The following SERTAD4 variants were observed in gnomAD, a reference collection of about 807,000 sequenced individuals.
The protein encoded by SERTAD4 is SERTA domain-containing protein 4.
SERTAD4 carries 18 observed loss-of-function variants against 32.9 expected under a neutral mutation model. The observed-to-expected ratio is 0.55, with a 90% CI of 0.38 to 0.81. The LOEUF (loss-of-function observed/expected upper bound fraction) is 0.81. Ranked by LOEUF, SERTAD4 falls within the 30% of genes least tolerant of loss-of-function variation. The pLI, the probability that SERTAD4 is intolerant of heterozygous loss-of-function variation, is 0.00. For missense variants in SERTAD4, 383 were observed against 426.0 expected (o/e 0.90, Z 0.89); for synonymous variants, 150 against 156.4 (o/e 0.96, Z 0.30).
rs2083956523 is a variant in SERTAD4, at chr1:210,237,921, G to GC, written c.-17-23_-17-22insC. The stretch of plus-strand genomic sequence containing the variant: ...GATTAGGGCTGTTTTCTTCATTCTT[G>GC]TTTTTTTTTTTTTTCTTTTCAGATC... On this transcript the variant is annotated intron_variant, in intron 1 of 3. Transcript: ENST00000367012. 1.4e-5 allele frequency: 19 copies of GC among 1,346,764 alleles called. No individual in the cohort carries two copies. In the South Asian group the frequency reaches 2.5e-4, roughly 18 times the overall value. The allele number at this position is 1,346,764 out of a possible 1,614,324, so 83.4% of individuals were successfully genotyped here.
chr1:210,236,881 C>T (rs1019946790), intron 1 of SERTAD4, among the ~76,000 whole-genome samples: 3 of 152,204 alleles, frequency 2.0e-5, no homozygotes, highest in Non-Finnish European at 4.4e-5. Flanking sequence ...ATATCAGACT[C>T]TCCTCTCCCT....
chr1:210,238,160 C>G (rs534011138), intron 2 of SERTAD4, 25 bp downstream of exon 2: 125 of 1,318,242 alleles, frequency 9.5e-5, no homozygotes, highest in Non-Finnish European at 1.3e-4. Flanking sequence ...CTGCGCCCAT[C>G]CCCCCCACCC....
rs2083892340 is a variant in SERTAD4, at chr1:210,232,999, C to T, written c.-30C>T. ...TCAAGCGCTGCGGCCGCCGCCTCCC[C>T]GCTGACCCCGCGGTAAGAGCCGGGC... On this transcript the variant is annotated 5_prime_UTR_variant, in exon 1 of 4. Transcript: ENST00000367012. The T allele has an allele frequency of 6.6e-6, 1 of 150,938 alleles. No individual in the cohort carries two copies. The highest frequency in any genetic ancestry group is 2.1e-4 in the South Asian group (1 of 4,826). 9.3% of individuals were successfully genotyped at this position (150,938 alleles called of 1,614,324 possible).
Position 210,245,865 on chromosome 1 carries a change from T to C in SERTAD4, c.*3528T>C, listed in dbSNP as rs1049568971. 57 of 985,158 alleles carry C rather than the reference T, an allele frequency of 5.8e-5. No individual in the cohort carries two copies. The highest frequency in any genetic ancestry group is 6.6e-5 in the Non-Finnish European group (55 of 829,810). The allele number at this position is 985,158 out of a possible 1,614,324, so 61.0% of individuals were successfully genotyped here. On this transcript the variant is annotated 3_prime_UTR_variant, in exon 4 of 4. Transcript: ENST00000367012. ...AGAGACATCAACTTCGCAACAAATATAAGACAAGGATACAAGGATTCCTAT... is the reference window on the plus strand; with the variant it reads ...AGAGACATCAACTTCGCAACAAATACAAGACAAGGATACAAGGATTCCTAT...
chr1:210,241,941 C>T lies in SERTAD4; in HGVS notation c.675C>T (p.Ser225=). The part of the protein sequence containing the change: ...TAASSPSASS[S]SSSSSSSPPL... Reference sequence around the variant, plus strand: ...CCTCCTCTCCCTCCGCCTCTTCTTCCTCCTCATCTTCCTCTTCCTCTCCCC... The same window carrying T: ...CCTCCTCTCCCTCCGCCTCTTCTTCTTCCTCATCTTCCTCTTCCTCTCCCC... Residue 225 remains serine (S), a synonymous_variant, in exon 4 of 4, where the codon TCC becomes TCT. Transcript: ENST00000367012. 1 of 1,614,110 alleles carries T rather than the reference C, an allele frequency of 6.2e-7. No homozygotes were observed. The highest frequency in any genetic ancestry group is 1.1e-5 in the South Asian group (1 of 91,074).
chr1:210,235,958 T>C (rs2083936742), intron 1 of SERTAD4, among the ~76,000 whole-genome samples: 1 of 152,272 alleles, frequency 6.6e-6, no homozygotes, highest in East Asian at 1.9e-4. Context: ...AAGAAAGGGC[T>C]GCTGACTGTT....
At chr1:210,233,578 C>T (rs1344181141) in intron 1 of SERTAD4, 4 of 432,114 alleles carry the variant, frequency 9.3e-6, no homozygotes, top group East Asian at 7.8e-5. Flanking sequence ...CCGCACCCTC[C>T]TCCCAGGCAG....
chr1:210,242,083 C>T lies in SERTAD4; in HGVS notation c.817C>T (p.Leu273Phe), dbSNP rs1271445661. The part of the protein sequence containing the change: ...NEIFVTNVRS[L>F]GVQEKAKLND... ...AATCTTTGTCACTAATGTCAGATCA[C>T]TTGGTGTTCAGGAAAAGGCCAAATT... The change falls in exon 4 of 4, where the codon CTT (leucine) becomes TTT (phenylalanine). Residue 273 changes from leucine (L) to phenylalanine (F), a missense_variant. This residue lies in a region of SERTAD4 where 180 missense variants were observed against 190.6 expected (regional missense o/e 0.94). Transcript: ENST00000367012. This position sits in a 1 kb window ranked among gnomAD's most constrained non-coding sequence, Gnocchi z 4.0. 6.2e-7 allele frequency: 1 copy of T among 1,614,038 alleles called. No homozygotes were observed. Among genetic ancestry groups the T allele is most frequent in the African/African-American group, 1.3e-5 (1 of 74,902 alleles).
At chr1:210,240,900 CCT>C (rs966227285) in intron 3 of SERTAD4, among the ~76,000 whole-genome samples, 12 of 152,278 alleles carry the variant, frequency 7.9e-5, no homozygotes, top group African/African-American at 2.9e-4. Context: ...ATCTCATGCT[CCT>C]TCTTGGCTAG....
In SERTAD4 at chr1:210,246,044, C is replaced by T; in HGVS notation, c.*3707C>T. On this transcript the variant is annotated 3_prime_UTR_variant, in exon 4 of 4. Coordinates refer to ENST00000367012, the MANE Select transcript of SERTAD4 (RefSeq NM_019605.5). ...GGTTATCACATCCCTGCCAATTTTA[C>T]TAGATTTTTTCAGAGACAAGCATTC... 3.7e-6 allele frequency: 2 copies of T among 543,572 alleles called. No individual in the cohort carries two copies. Among genetic ancestry groups the T allele is most frequent in the Non-Finnish European group, 4.7e-6 (2 of 426,284 alleles). 33.7% of individuals were successfully genotyped at this position (543,572 alleles called of 1,614,324 possible).
chr1:210,233,706 G>A (rs1480194430), intron 1 of SERTAD4: 1 of 470,820 alleles, frequency 2.1e-6, no homozygotes, highest in Admixed American at 2.3e-5. Context: ...CTCCCCTCCC[G>A]CCTCTTCGGC....
In SERTAD4 at chr1:210,238,004, T is replaced by C. The variant is rs763118889; in HGVS notation, c.44T>C (p.Val15Ala). Reference sequence around the variant, plus strand: ...ATGAATAGATTCTGCGAGCCCATTGTCTCGGAAGGAGCTGCTGAAATTGCT... The same window carrying C: ...ATGAATAGATTCTGCGAGCCCATTGCCTCGGAAGGAGCTGCTGAAATTGCT... ...LSMNRFCEPI[V>A]SEGAAEIAGY... The change falls in exon 2 of 4, where the codon GTC (valine) becomes GCC (alanine). Residue 15 changes from valine to alanine, a missense_variant. This residue lies in a region of SERTAD4 where 96 missense variants were observed against 76.6 expected (regional missense o/e 1.25). Coordinates refer to ENST00000367012, the MANE Select transcript of SERTAD4 (RefSeq NM_019605.5). The C allele has an allele frequency of 5.0e-6, 8 of 1,613,848 alleles. No homozygotes were observed. Among genetic ancestry groups the C allele is most frequent in the Non-Finnish European group, 5.9e-6 (7 of 1,179,956 alleles).
chr1:210,239,522 A>G lies in SERTAD4; in HGVS notation c.205A>G (p.Ile69Val), dbSNP rs745700099. 6.2e-7 allele frequency: 1 copy of G among 1,607,206 alleles called. No homozygotes were observed. Among genetic ancestry groups the G allele is most frequent in the Non-Finnish European group, 8.5e-7 (1 of 1,175,572 alleles). The change falls in exon 3 of 4, where the codon ATA becomes GTA. Residue 69 changes from isoleucine to valine, a missense_variant. Physicochemically the swap from Ile to Val is conservative, Grantham distance 29 (BLOSUM62 3). Transcript: ENST00000367012. The part of the protein sequence containing the change: ...GSHYRGISNP[I>V]TTSKITYFKR... The stretch of plus-strand genomic sequence containing the variant: ...ACATTACAGGGGAATTTCAAATCCT[A>G]TAACAACATCCAAGATCACATACTT...
At chr1:210,237,922 T>A in intron 1 of SERTAD4, 22 bp from the exon 2 acceptor site, 1 of 368,030 alleles carries the variant, frequency 2.7e-6, no homozygotes, top group Non-Finnish European at 4.2e-6. Context: ...TTCATTCTTG[T>A]TTTTTTTTTT....
chr1:210,240,057 T>C (rs2083979913), intron 3 of SERTAD4, among the ~76,000 whole-genome samples: 1 of 152,164 alleles, frequency 6.6e-6, no homozygotes, highest in Non-Finnish European at 1.5e-5. Context: ...GGTAGACTCA[T>C]CATCCTTGAA....
In SERTAD4 at chr1:210,242,106, A is replaced by C. The variant is rs2084004275; in HGVS notation, c.840A>C (p.Lys280Asn). The C allele has an allele frequency of 1.2e-6, 2 of 1,614,244 alleles. No individual in the cohort carries two copies. The highest frequency in any genetic ancestry group is 1.7e-6 in the Non-Finnish European group (2 of 1,180,044). ...CACTTGGTGTTCAGGAAAAGGCCAA[A>C]TTAAATGATGAGAAAGCAAATGATG... ...VRSLGVQEKA[K>N]LNDEKANDDT... Residue 280 changes from lysine (K) to asparagine (N), a missense_variant, in exon 4 of 4, where the codon AAA (lysine) becomes AAC (asparagine). Physicochemically the swap from Lys to Asn is moderately conservative, Grantham distance 94. Transcript: ENST00000367012. The surrounding 1 kb of genome is among the most constrained non-coding windows in gnomAD (Gnocchi z 4.0).
At chr1:210,234,001 A>C (rs1049097854) in intron 1 of SERTAD4, 7 of 372,184 alleles carry the variant, frequency 1.9e-5, no homozygotes, top group East Asian at 8.6e-5. Flanking sequence ...TTTTAAAAAA[A>C]AAAAAGGATA....
chr1:210,237,321 C>G (rs952196134), intron 1 of SERTAD4: 4 of 152,654 alleles, frequency 2.6e-5, no homozygotes, highest in African/African-American at 7.2e-5. Context: ...AAACAACTAC[C>G]AAGTGTCTCT....
In SERTAD4 at chr1:210,245,093, T is replaced by C. The variant is rs150434243; in HGVS notation, c.*2756T>C. 6.6e-6 allele frequency: 1 copy of C among 152,140 alleles called. No homozygotes were observed. Among genetic ancestry groups the C allele is most frequent in the Non-Finnish European group, 1.5e-5 (1 of 68,020 alleles). The allele number at this position is 152,140 out of a possible 1,614,324, so 9.4% of individuals were successfully genotyped here. A position where few individuals can be genotyped will look rare whatever the true frequency, so the allele number is the denominator to read the frequency against. The stretch of plus-strand genomic sequence containing the variant: ...AGGACACCCTTCATAGTAAGTTATA[T>C]CTCTTAACTGGATTCTATAGTTTTA... On this transcript the variant is annotated 3_prime_UTR_variant, in exon 4 of 4. Transcript: ENST00000367012.
Sources: gnomAD v4.1 joint callset for allele counts (sites outside exome capture counted in the v4.1 genomes callset) on GRCh38, gnomAD v4.1.1 for gene constraint, gnomAD v4.1.1 regional missense constraint, Gnocchi (gnomAD v3.1) non-coding constraint, MANE v1.5 for transcripts, NCBI Gene and HGNC (gene_info 2026-07-23, HGNC 2026-07-21) for gene names.